Variants in SORCS3 observed in about 807,000 individuals in gnomAD.
SORCS3 encodes the protein sortilin related VPS10 domain containing receptor 3.
SORCS3 carries 57 observed loss-of-function variants against 146.3 expected under a neutral mutation model. The ratio of observed to expected loss-of-function variants is 0.39; its 90% confidence interval spans 0.31 to 0.49. The LOEUF (loss-of-function observed/expected upper bound fraction) is 0.49, where lower values mean the gene tolerates loss of function less well. SORCS3 is among the 20% of genes least tolerant of loss of function. The probability of loss-of-function intolerance (pLI) is 0.92; values close to 1 mark genes in which losing one functional copy is unlikely to be tolerated. For missense variants in SORCS3, 1,341 were observed against 1,575.5 expected, an observed-to-expected ratio of 0.85 and a Z score of 2.52; for synonymous variants, 653 against 618.5, an observed-to-expected ratio of 1.06 and a Z score of -0.83.
chr10:104,813,887 A>G (rs1283291319), intron 1 of SORCS3, among the ~76,000 whole-genome samples: 1 of 150,990 alleles, frequency 6.6e-6, no homozygotes, highest in East Asian at 1.9e-4. Flanking sequence ...GAAAAAATTT[A>G]TCTCACTGAT....
chr10:104,770,552 G>T (rs1379104491), intron 1 of SORCS3, among the ~76,000 whole-genome samples: 2 of 152,168 alleles, frequency 1.3e-5, no homozygotes, highest in East Asian at 3.9e-4. Context: ...GGGCATAGGG[G>T]TTCACACCTG....
chr10:104,772,597 C>G (rs1180015493), intron 1 of SORCS3, among the ~76,000 whole-genome samples: 1 of 152,152 alleles, frequency 6.6e-6, no homozygotes, highest in Non-Finnish European at 1.5e-5. Flanking sequence ...TGACGTTATT[C>G]CCCCGCTTTC....
chr10:104,853,828 G>A (rs746969544), intron 2 of SORCS3, among the ~76,000 whole-genome samples: 1 of 152,140 alleles, frequency 6.6e-6, no homozygotes, highest in Non-Finnish European at 1.5e-5. Context: ...CAATTTTAAA[G>A]AACATCCCTC....
chr10:104,980,902 G>A (rs2054928108), intron 4 of SORCS3, among the ~76,000 whole-genome samples: 1 of 152,154 alleles, frequency 6.6e-6, no homozygotes, highest in African/African-American at 2.4e-5. Flanking sequence ...TCTAGAAATC[G>A]AGAGATGCAC....
At chr10:104,909,874 G>T (rs193083017) in intron 2 of SORCS3, among the ~76,000 whole-genome samples, 21 of 150,762 alleles carry the variant, frequency 1.4e-4, no homozygotes, top group Non-Finnish European at 2.2e-4. Flanking sequence ...TAGTGAACTT[G>T]CTGGGTAGGT....
At chr10:105,188,888 C>T (rs1214862514) in intron 14 of SORCS3, among the ~76,000 whole-genome samples, 2 of 152,148 alleles carry the variant, frequency 1.3e-5, no homozygotes, top group African/African-American at 2.4e-5. Context: ...TTGTGGTTAC[C>T]TAGCAATGGC....
chr10:104,826,344 G>A (rs1409736122), intron 1 of SORCS3, among the ~76,000 whole-genome samples: 1 of 151,998 alleles, frequency 6.6e-6, no homozygotes, highest in East Asian at 1.9e-4. Context: ...GAAATTTAGT[G>A]TTTTCTTTCA....
intron 3 of SORCS3, among the ~76,000 whole-genome samples, chr10:104,937,161 A>C (rs1250515456): frequency 1.3e-5 from 2 of 152,212 alleles, no homozygotes; most frequent in African/African-American, 2.4e-5. Flanking sequence ...TGCTCCTATG[A>C]GAACCTAATG....
At chr10:104,915,169 G>T (rs1391873920) in intron 2 of SORCS3, among the ~76,000 whole-genome samples, 3 of 152,128 alleles carry the variant, frequency 2.0e-5, no homozygotes, top group African/African-American at 7.2e-5. Context: ...AGGAGGAGCA[G>T]GTAGCCAGCA....
rs118190960 is a variant in SORCS3 at position 105,006,980 on chromosome 10, A to G, written c.954+29487A>G. ...GAAAAGACTTGGTCTCCTTTGACCC[A>G]GGCTGCATAGGATGGGTGATCTAGA... On this transcript the variant is annotated intron_variant, in intron 4 of 26. Coordinates refer to ENST00000369701, the MANE Select transcript of SORCS3 (RefSeq NM_014978.3). 2.8e-3 allele frequency among the ~76,000 whole-genome samples: 434 copies of G among 152,356 alleles called. 2 individuals are homozygous for G. Among genetic ancestry groups the G allele is most frequent in the Non-Finnish European group, 4.5e-3 (307 of 68,022 alleles).
intron 3 of SORCS3, among the ~76,000 whole-genome samples, chr10:104,924,963 A>G (rs1006264853): frequency 2.0e-5 from 3 of 152,206 alleles, no homozygotes; most frequent in African/African-American, 7.2e-5. Context: ...GGTTTGTTAC[A>G]TAGGTATACA....
chr10:104,786,900 C>T (rs2496030), intron 1 of SORCS3, among the ~76,000 whole-genome samples: 67,495 of 151,988 alleles, frequency 0.44, 15,129 homozygotes, highest in South Asian at 0.48. Flanking sequence ...CACCCCAAGG[C>T]AGCACTGCCC....
chr10:105,139,198 T>C (rs1477661542), intron 7 of SORCS3, among the ~76,000 whole-genome samples, 199 bp from the exon 8 acceptor site: 1 of 152,216 alleles, frequency 6.6e-6, no homozygotes. Flanking sequence ...ATTGTTGTAA[T>C]TGCCCACCTG....
chr10:105,214,718 T>C (rs2056655324), intron 18 of SORCS3, 105 bp downstream of exon 18: 1 of 1,109,346 alleles, frequency 9.0e-7, no homozygotes, highest in Non-Finnish European at 1.2e-6. Flanking sequence ...CCAAAGTCAA[T>C]GGTGAGAAGC....
chr10:105,259,574 G>A (rs1020466091), intron 25 of SORCS3, among the ~76,000 whole-genome samples: 1 of 152,162 alleles, frequency 6.6e-6, no homozygotes, highest in African/African-American at 2.4e-5. Context: ...GATAGTGACT[G>A]CTATTTTCTT....
chr10:104,666,999 G>A (rs1213620024), intron 1 of SORCS3, among the ~76,000 whole-genome samples: 1 of 152,056 alleles, frequency 6.6e-6, no homozygotes, highest in African/African-American at 2.4e-5. Context: ...TGTTGGGAGA[G>A]AGAGAGAGAG....
intron 20 of SORCS3, among the ~76,000 whole-genome samples, chr10:105,242,576 ATT>A (rs2056836490): frequency 1.9e-5 from 1 of 52,208 alleles, no homozygotes; most frequent in Non-Finnish European, 3.1e-5. Context: ...ATATTTATAT[ATT>A]TATATATATT....
chr10:104,996,240 T>G (rs2133667659), intron 4 of SORCS3, among the ~76,000 whole-genome samples: 1 of 152,280 alleles, frequency 6.6e-6, no homozygotes. Flanking sequence ...AAAAAATGGC[T>G]TTTGGAATTT....
chr10:105,187,268 T>C (rs1270296855), intron 14 of SORCS3, among the ~76,000 whole-genome samples: 1 of 152,206 alleles, frequency 6.6e-6, no homozygotes, highest in Non-Finnish European at 1.5e-5. Context: ...CGCTTTCCAC[T>C]ACCTTGCCAA....
Sources: allele counts gnomAD v4.1 joint callset (sites outside exome capture counted in the v4.1 genomes callset), GRCh38; gene constraint gnomAD v4.1.1; transcripts MANE v1.5; gene names NCBI Gene and HGNC (gene_info 2026-07-23, HGNC 2026-07-21).